ZFHX3: variants seen among roughly 807,000 people sequenced by gnomAD.
ZFHX3 encodes zinc finger homeobox protein 3.
In ZFHX3, 42 loss-of-function variants were observed where a neutral mutation model predicts 279.1. The ratio of observed to expected loss-of-function variants is 0.15; its 90% confidence interval spans 0.12 to 0.19. ZFHX3 has a LOEUF of 0.19. Among genes scored for constraint, ZFHX3 ranks in the 10% least tolerant of loss-of-function variants. The probability of loss-of-function intolerance (pLI) is 1.00; values close to 1 mark genes in which losing one functional copy is unlikely to be tolerated. For missense variants in ZFHX3, 4,981 were observed against 4,754.0 expected (o/e 1.05, Z -1.40); for synonymous variants, 2,293 against 1,957.8 (o/e 1.17, Z -4.52).
At chr16:73,093,015 C>T (rs1326998318) in intron 8 of ZFHX3, 4 of 519,892 alleles carry the variant, frequency 7.7e-6, no homozygotes, top group Non-Finnish European at 1.2e-5. Context: ...TTCTTCGGGC[C>T]CTTGTTTTCT....
At chr16:73,083,749 CA>C (rs1567659360) in intron 8 of ZFHX3, among the ~76,000 whole-genome samples, 1 of 152,118 alleles carries the variant, frequency 6.6e-6, no homozygotes. Flanking sequence ...AGGCTGGTCT[CA>C]AACTCCTGGG....
intron 4 of ZFHX3, among the ~76,000 whole-genome samples, chr16:72,884,542 G>A (rs773648495): frequency 6.6e-5 from 10 of 152,090 alleles, no homozygotes; most frequent in Admixed American, 4.6e-4. Context: ...AAGAATTGTT[G>A]AACTTTAATT....
chr16:73,464,303 A>C (rs900408195), intron 2 of ZFHX3, among the ~76,000 whole-genome samples: 1 of 152,026 alleles, frequency 6.6e-6, no homozygotes, highest in Non-Finnish European at 1.5e-5. Context: ...ACGAGGAGAC[A>C]ATTTGTGCCG....
chr16:73,072,371 G>T (rs937459105), intron 8 of ZFHX3, among the ~76,000 whole-genome samples: 2 of 151,836 alleles, frequency 1.3e-5, no homozygotes, highest in Non-Finnish European at 2.9e-5. Flanking sequence ...TTGAACCCAG[G>T]GGGTGGAAGT....
intron 3 of ZFHX3, among the ~76,000 whole-genome samples, chr16:72,912,526 G>A (rs969272316): frequency 6.6e-6 from 1 of 152,114 alleles, no homozygotes; most frequent in Non-Finnish European, 1.5e-5. Context: ...AAGCTTCTAA[G>A]GCGTATGATC....
intron 1 of ZFHX3, among the ~76,000 whole-genome samples, chr16:73,725,089 C>T (rs758353233): frequency 2.0e-5 from 3 of 152,128 alleles, no homozygotes; most frequent in East Asian, 1.9e-4. Flanking sequence ...GGGCCTCAGT[C>T]GAGATGTAGA....
intron 2 of ZFHX3, among the ~76,000 whole-genome samples, chr16:73,589,981 T>C (rs1184873756): frequency 6.6e-6 from 1 of 152,168 alleles, no homozygotes; most frequent in Non-Finnish European, 1.5e-5. Context: ...GAATGTACTC[T>C]AAAAAATTCA....
intron 2 of ZFHX3, among the ~76,000 whole-genome samples, chr16:73,530,171 G>A (rs368142530): frequency 6.6e-6 from 1 of 152,292 alleles, no homozygotes; most frequent in East Asian, 1.9e-4. Context: ...GCAGGCAAGA[G>A]AGAGAATGAG....
At chr16:73,186,371 T>C (rs2144883703) in intron 5 of ZFHX3, among the ~76,000 whole-genome samples, 1 of 152,156 alleles carries the variant, frequency 6.6e-6, no homozygotes, top group Middle Eastern at 3.4e-3. Flanking sequence ...TGATCGTGAA[T>C]AGAACCCCCC....
At chr16:73,239,729 A>G (rs1439552409) in intron 5 of ZFHX3, among the ~76,000 whole-genome samples, 1 of 152,216 alleles carries the variant, frequency 6.6e-6, no homozygotes, top group Non-Finnish European at 1.5e-5. Context: ...ATTTTCCACA[A>G]AGCAGAAAAT....
intron 4 of ZFHX3, among the ~76,000 whole-genome samples, chr16:72,859,598 T>C (rs555470603): frequency 2.6e-5 from 4 of 152,342 alleles, no homozygotes; most frequent in South Asian, 4.1e-4. Context: ...ATTTGAAATA[T>C]AGCTTTAACT....
intron 1 of ZFHX3, among the ~76,000 whole-genome samples, chr16:73,818,929 T>G (rs1960656522): frequency 6.6e-6 from 1 of 152,106 alleles, no homozygotes; most frequent in Non-Finnish European, 1.5e-5. Context: ...CTCCTGACAA[T>G]GATTAATGCA....
At chr16:73,279,140 C>T (rs1475580395) in intron 4 of ZFHX3, among the ~76,000 whole-genome samples, 1 of 151,814 alleles carries the variant, frequency 6.6e-6, no homozygotes, top group Non-Finnish European at 1.5e-5. Context: ...TCTCACCTTA[C>T]AGTTAATTCA....
At chr16:73,294,529 G>T (rs1463000793) in intron 4 of ZFHX3, among the ~76,000 whole-genome samples, 2 of 152,228 alleles carry the variant, frequency 1.3e-5, no homozygotes, top group African/African-American at 4.8e-5. Context: ...CAGGCCTGGG[G>T]GCTGGGCGAG....
chr16:72,941,927 G>A (rs529997646), intron 3 of ZFHX3, among the ~76,000 whole-genome samples: 6 of 152,174 alleles, frequency 3.9e-5, no homozygotes, highest in South Asian at 4.2e-4. Context: ...CAATACTACC[G>A]AAATGGTTTT....
chr16:73,694,148 C>A (rs965765657), intron 1 of ZFHX3, among the ~76,000 whole-genome samples: 2 of 151,686 alleles, frequency 1.3e-5, no homozygotes, highest in Non-Finnish European at 2.9e-5. Flanking sequence ...CATGGTGAAA[C>A]CCCATCTCTA....
At chr16:73,298,827 T>TAG (rs1391505940) in intron 4 of ZFHX3, among the ~76,000 whole-genome samples, 1 of 152,218 alleles carries the variant, frequency 6.6e-6, no homozygotes, top group Middle Eastern at 3.2e-3. Flanking sequence ...ATTTGTTTCG[T>TAG]TACTGATAGT....
chr16:72,921,971 A>G (rs1204302209), intron 3 of ZFHX3, among the ~76,000 whole-genome samples: 1 of 152,196 alleles, frequency 6.6e-6, no homozygotes, highest in Non-Finnish European at 1.5e-5. Flanking sequence ...CCCCTGCCAG[A>G]CAGCTCCCAC....
chr16:73,579,608 T>C (rs2051836176), intron 2 of ZFHX3, among the ~76,000 whole-genome samples: 2 of 150,726 alleles, frequency 1.3e-5, no homozygotes, highest in Non-Finnish European at 3.0e-5. Flanking sequence ...TTCACGCCAT[T>C]CTCCTGCCTC....
Sources: allele counts gnomAD v4.1 joint callset (sites outside exome capture counted in the v4.1 genomes callset), GRCh38; gene constraint gnomAD v4.1.1; transcripts MANE v1.5; gene names NCBI Gene and HGNC (gene_info 2026-07-23, HGNC 2026-07-21).